Variants in RBFOX1 observed in about 807,000 individuals in gnomAD.
The protein encoded by RBFOX1 is RNA binding protein fox-1 homolog 1.
RBFOX1 carries 8 observed loss-of-function variants against 57.7 expected under a neutral mutation model. The ratio of observed to expected loss-of-function variants is 0.14; its 90% confidence interval spans 0.08 to 0.25. The LOEUF is 0.25. Among genes scored for constraint, RBFOX1 ranks in the 10% least tolerant of loss-of-function variants. RBFOX1 has a pLI of 1.00. For missense variants in RBFOX1, 611 were observed against 548.5 expected, an observed-to-expected ratio of 1.11 and a Z score of -1.14; for synonymous variants, 326 against 222.4, an observed-to-expected ratio of 1.47 and a Z score of -4.15.
rs571052532 is a variant in RBFOX1 at position 7,225,675 on chromosome 16, G to A, written c.27+173577G>A. On this transcript the variant is annotated intron_variant, in intron 4 of 15. Coordinates refer to ENST00000550418, the MANE Select transcript of RBFOX1 (RefSeq NM_018723.4). ...TTCTCCTGAAATCTTTAGGTGGCAC[G>A]GGACAGAAATCCAAATAGAATTGGC... is the stretch of plus-strand genomic sequence containing the variant. Among the ~76,000 whole-genome samples, 193 of 145,018 alleles carry A rather than the reference G, an allele frequency of 1.3e-3. 1 individual carries two copies. Among genetic ancestry groups the A allele is most frequent in the Middle Eastern group, 4.0e-3 (1 of 252 alleles).
intron 3 of RBFOX1, among the ~76,000 whole-genome samples, chr16:5,787,046 G>A (rs746300578): frequency 5.3e-5 from 8 of 152,192 alleles, no homozygotes; most frequent in Non-Finnish European, 1.2e-4. Flanking sequence ...TGAGGCAGGA[G>A]AATTGCTTAA....
rs139509945 is a variant in RBFOX1 at position 5,948,599 on chromosome 16, G to A, written c.351+81264G>A. Among the ~76,000 whole-genome samples, 834 of 152,308 alleles carry A rather than the reference G, an allele frequency of 5.5e-3. 7 individuals carry two copies. The highest frequency in any genetic ancestry group is 0.019 in the African/African-American group (787 of 41,570). On this transcript the variant is annotated intron_variant, in intron 4 of 19. Coordinates refer to the RBFOX1 transcript ENST00000641259. ...AGTTTGGAGACCTACAGGGAAGGCC[G>A]TGCGATGGCAGAGGCAGAGATTTTA...
chr16:6,230,540 C>A (rs980083439), intron 1 of RBFOX1, among the ~76,000 whole-genome samples: 1 of 152,124 alleles, frequency 6.6e-6, no homozygotes, highest in South Asian at 2.1e-4. Context: ...AGGCTTAAAA[C>A]CACCATTTAT....
chr16:5,882,739 C>T (rs1292597083), intron 4 of RBFOX1, among the ~76,000 whole-genome samples: 1 of 152,132 alleles, frequency 6.6e-6, no homozygotes, highest in African/African-American at 2.4e-5. Context: ...AGTGTTGTCC[C>T]TGGGCGGGTT....
chr16:5,542,573 C>T (rs2045006128), intron 2 of RBFOX1, among the ~76,000 whole-genome samples: 1 of 152,012 alleles, frequency 6.6e-6, no homozygotes, highest in African/African-American at 2.4e-5. Context: ...ATTGATTTTA[C>T]TGAATACATC....
chr16:7,690,055 C>T (rs918053401), intron 14 of RBFOX1, among the ~76,000 whole-genome samples: 6 of 152,090 alleles, frequency 3.9e-5, no homozygotes, highest in African/African-American at 1.4e-4. Context: ...GAATCCCTTC[C>T]TTGAATCCAC....
At chr16:7,040,549 G>A (rs1426104448) in intron 3 of RBFOX1, among the ~76,000 whole-genome samples, 1 of 150,998 alleles carries the variant, frequency 6.6e-6, no homozygotes, top group Non-Finnish European at 1.5e-5. Context: ...GAGAAAACCT[G>A]CTTCTCTGTC....
intron 3 of RBFOX1, among the ~76,000 whole-genome samples, chr16:6,914,562 A>AG (rs377236930): frequency 0.083 from 12,412 of 149,644 alleles, 1,697 homozygotes; most frequent in African/African-American, 0.29. Context: ...GAAAACAAAA[A>AG]TAAAAAAAAA....
At chr16:7,300,251 T>C (rs1265209355) in intron 4 of RBFOX1, among the ~76,000 whole-genome samples, 1 of 152,058 alleles carries the variant, frequency 6.6e-6, no homozygotes, top group African/African-American at 2.4e-5. Flanking sequence ...AACTGTCTAA[T>C]GTCAGGGACC....
chr16:6,830,523 C>T (rs1368210516), intron 3 of RBFOX1, among the ~76,000 whole-genome samples: 1 of 152,062 alleles, frequency 6.6e-6, no homozygotes, highest in African/African-American at 2.4e-5. Flanking sequence ...TTTTGTTCCC[C>T]CAGGGGACAG....
At chr16:6,545,572 C>T (rs1046221983) in intron 2 of RBFOX1, among the ~76,000 whole-genome samples, 1 of 152,186 alleles carries the variant, frequency 6.6e-6, no homozygotes, top group Non-Finnish European at 1.5e-5. Flanking sequence ...TGCAGAAACG[C>T]AATTCCCAAC....
chr16:5,496,395 C>T (rs934277792), intron 2 of RBFOX1, among the ~76,000 whole-genome samples: 3 of 152,120 alleles, frequency 2.0e-5, no homozygotes, highest in Non-Finnish European at 2.9e-5. Context: ...ATTCTCTCCC[C>T]ATTTTTACAT....
At chr16:5,692,639 A>G (rs2050722629) in intron 3 of RBFOX1, among the ~76,000 whole-genome samples, 1 of 152,120 alleles carries the variant, frequency 6.6e-6, no homozygotes. Context: ...GGAGGTGAGT[A>G]CGTACACACT....
intron 2 of RBFOX1, among the ~76,000 whole-genome samples, chr16:6,456,493 C>G (rs559014101): frequency 6.6e-6 from 1 of 152,138 alleles, no homozygotes; most frequent in African/African-American, 2.4e-5. Flanking sequence ...AGTCAATGAA[C>G]CTAGAGACCA....
chr16:7,046,930 G>C (rs1302216214), intron 3 of RBFOX1, among the ~76,000 whole-genome samples: 2 of 151,286 alleles, frequency 1.3e-5, no homozygotes, highest in Admixed American at 6.6e-5. Flanking sequence ...CTTCCGTATT[G>C]TATATCCATA....
chr16:5,323,447 C>T (rs989499654), intron 1 of RBFOX1, among the ~76,000 whole-genome samples: 1 of 152,236 alleles, frequency 6.6e-6, no homozygotes, highest in Non-Finnish European at 1.5e-5. Context: ...CAGCCTTGCT[C>T]ATGTTAATTA....
intron 4 of RBFOX1, among the ~76,000 whole-genome samples, chr16:5,904,201 G>A (rs2058383165): frequency 6.6e-6 from 1 of 152,022 alleles, no homozygotes; most frequent in African/African-American, 2.4e-5. Context: ...GATCCTGCCC[G>A]CTCATCTCGG....
chr16:6,226,677 G>T (rs1222508819), intron 1 of RBFOX1, among the ~76,000 whole-genome samples: 1 of 152,082 alleles, frequency 6.6e-6, no homozygotes, highest in African/African-American at 2.4e-5. Context: ...CTCTTAAGGG[G>T]TTTATATGAA....
chr16:7,050,241 C>CT (rs59142009), intron 3 of RBFOX1, among the ~76,000 whole-genome samples: 6,467 of 141,720 alleles, frequency 0.046, 278 homozygotes, highest in East Asian at 0.19. Context: ...TCTTTAGCTT[C>CT]TTTTTTTTTC....
Sources: gnomAD v4.1 joint callset for allele counts (sites outside exome capture counted in the v4.1 genomes callset) on GRCh38, gnomAD v4.1.1 for gene constraint, MANE v1.5 for transcripts, NCBI Gene and HGNC (gene_info 2026-07-23, HGNC 2026-07-21) for gene names.